The following LEPR variants were observed in gnomAD, a reference collection of about 807,000 sequenced individuals.
LEPR encodes the protein OB receptor.
LEPR carries 56 observed loss-of-function variants against 114.7 expected under a neutral mutation model. That is an observed-to-expected ratio of 0.49 (90% CI 0.39 to 0.61). The LOEUF is 0.61. LEPR is among the 20% of genes least tolerant of loss of function. The pLI, the probability that LEPR is intolerant of heterozygous loss-of-function variation, is 0.00. For missense variants in LEPR, 1,202 were observed against 1,352.9 expected, an observed-to-expected ratio of 0.89 and a Z score of 1.75; for synonymous variants, 443 against 461.4, an observed-to-expected ratio of 0.96 and a Z score of 0.51.
intron 2 of LEPR, among the ~76,000 whole-genome samples, chr1:65,536,584 A>G (rs1650794756): frequency 6.6e-6 from 1 of 152,198 alleles, no homozygotes; most frequent in African/African-American, 2.4e-5. Context: ...CAGATAGCTC[A>G]CTAAGAATTA....
intron 2 of LEPR, among the ~76,000 whole-genome samples, chr1:65,514,019 T>TA (rs1199955846): frequency 3.3e-5 from 5 of 152,238 alleles, no homozygotes; most frequent in East Asian, 1.9e-4. Flanking sequence ...TGAAAAAATG[T>TA]AAAAAAAATT....
At chr1:65,515,060 T>A (rs1649219028) in intron 2 of LEPR, among the ~76,000 whole-genome samples, 1 of 152,222 alleles carries the variant, frequency 6.6e-6, no homozygotes, top group Admixed American at 6.5e-5. Flanking sequence ...GAATATTTTG[T>A]TGGATCTTGA....
At chr1:65,601,128 C>G (rs1443340009) in intron 8 of LEPR, among the ~76,000 whole-genome samples, 1 of 151,944 alleles carries the variant, frequency 6.6e-6, no homozygotes, top group Admixed American at 6.6e-5. Context: ...CTGGCTAAAA[C>G]ATATTTTATG....
chr1:65,584,685 A>C (rs913211310), intron 5 of LEPR, among the ~76,000 whole-genome samples: 1 of 152,074 alleles, frequency 6.6e-6, no homozygotes, highest in Non-Finnish European at 1.5e-5. Context: ...TATTGTTTAC[A>C]CTCATTTTGC....
At chr1:65,622,028 C>T (rs1329946457) in intron 18 of LEPR, among the ~76,000 whole-genome samples, 1 of 151,976 alleles carries the variant, frequency 6.6e-6, no homozygotes, top group East Asian at 1.9e-4. Flanking sequence ...TAGGCTGATG[C>T]CCTTTGGATT....
At chr1:65,470,933 G>C (rs752507990) in intron 2 of LEPR, among the ~76,000 whole-genome samples, 1 of 152,144 alleles carries the variant, frequency 6.6e-6, no homozygotes, top group African/African-American at 2.4e-5. Flanking sequence ...GCAGTAAAGT[G>C]GGTAAGAGTA....
intron 2 of LEPR, chr1:65,433,382 T>C (rs1156443027): frequency 2.0e-6 from 2 of 985,352 alleles, no homozygotes; most frequent in Non-Finnish European, 2.4e-6. Context: ...TCATGTTGGA[T>C]CCTGTAATCA....
At position 65,421,471 on chromosome 1, in the gene LEPR, T is replaced by C. The variant is rs1436092717; in HGVS notation, c.-97+731T>C. 2.0e-6 allele frequency: 3 copies of C among 1,536,004 alleles called. No homozygotes were observed. The African/African-American group carries it at 4.1e-5, about 21-fold the overall frequency. On this transcript the variant is annotated intron_variant, in intron 1 of 19. Transcript: ENST00000349533. ...CTTCCTGTATTTTGGTAGGAAAACA[T>C]TCCATTTCTAATCTGTCGAATAGAG...
At position 65,545,336 on chromosome 1, in the gene LEPR, G is replaced by T. The variant is rs556199033; in HGVS notation, c.-20-20210G>T. Reference sequence around the variant, plus strand: ...GGTATACACCCAGTAATGGGATGGCGGGGTCAAATGGTATTTCTAGTTCTA... The same window carrying T: ...GGTATACACCCAGTAATGGGATGGCTGGGTCAAATGGTATTTCTAGTTCTA... On this transcript the variant is annotated intron_variant, in intron 2 of 19. Transcript: ENST00000349533. Among the ~76,000 whole-genome samples the T allele has an allele frequency of 9.2e-4, 140 of 152,050 alleles. No individual in the cohort carries two copies. The South Asian group carries it at 0.014, about 16-fold the overall frequency.
chr1:65,432,821 T>C, intron 2 of LEPR: 1 of 600,888 alleles, frequency 1.7e-6, no homozygotes, highest in South Asian at 7.4e-5. Flanking sequence ...AATGTTCTCA[T>C]AAAAAAGTTA....
At chr1:65,590,541 A>G (rs1333123703) in intron 5 of LEPR, among the ~76,000 whole-genome samples, 1 of 151,770 alleles carries the variant, frequency 6.6e-6, no homozygotes, top group Non-Finnish European at 1.5e-5. Context: ...TGATGGTTTT[A>G]TAAGGGGCTT....
chr1:65,604,838 T>C (rs545006765), intron 10 of LEPR, among the ~76,000 whole-genome samples, 200 bp from the exon 11 acceptor site: 3 of 152,282 alleles, frequency 2.0e-5, no homozygotes, highest in Non-Finnish European at 4.4e-5. Context: ...TGCCTGGTGA[T>C]CTGAAGTGGA....
chr1:65,500,807 C>T (rs909702798), intron 2 of LEPR, among the ~76,000 whole-genome samples: 2 of 152,006 alleles, frequency 1.3e-5, no homozygotes, highest in African/African-American at 4.8e-5. Flanking sequence ...GCACCCTTAA[C>T]CCCCACGTTG....
rs911353475 is a variant in LEPR, at chr1:65,633,708, G to A, written c.2674-2483G>A. ...CGTCAGCCTAAAAATCAGCCTATTC[G>A]GGTGTTCTTTTGAATATCTCCTGGC... On this transcript the variant is annotated intron_variant, in intron 19 of 19. Coordinates refer to ENST00000349533, the MANE Select transcript of LEPR (RefSeq NM_002303.6). The surrounding 1 kb of genome is among the most constrained non-coding windows in gnomAD (Gnocchi z 4.1). The A allele has an allele frequency of 1.7e-5, 17 of 985,162 alleles. No homozygotes were observed. The highest frequency in any genetic ancestry group is 2.0e-5 in the Non-Finnish European group (17 of 829,906). 61.0% of individuals were successfully genotyped at this position (985,162 alleles called of 1,614,324 possible). A position where few individuals can be genotyped will look rare whatever the true frequency, so the allele number is the denominator to read the frequency against.
intron 2 of LEPR, among the ~76,000 whole-genome samples, chr1:65,446,487 T>G (rs1171760410): frequency 1.3e-5 from 2 of 152,206 alleles, no homozygotes; most frequent in African/African-American, 4.8e-5. Context: ...GCCAGCTTCT[T>G]TACTGCAACC....
intron 2 of LEPR, among the ~76,000 whole-genome samples, chr1:65,515,562 C>T (rs1164584484): frequency 1.3e-5 from 2 of 152,172 alleles, no homozygotes; most frequent in African/African-American, 4.8e-5. Context: ...CTTAGAAAAG[C>T]ATAAGGATAT....
At chr1:65,596,662 A>G (rs1656086397) in intron 7 of LEPR, 69 bp downstream of exon 7, 9 of 1,385,688 alleles carry the variant, frequency 6.5e-6, no homozygotes, top group Non-Finnish European at 7.1e-6. Flanking sequence ...GTCCCATAGC[A>G]ATTACCCTCT....
At chr1:65,460,948 C>T (rs371535938) in intron 2 of LEPR, among the ~76,000 whole-genome samples, 1 of 151,316 alleles carries the variant, frequency 6.6e-6, no homozygotes, top group Admixed American at 6.6e-5. Context: ...AAGACAGGAA[C>T]CTAGATCCCA....
intron 5 of LEPR, among the ~76,000 whole-genome samples, chr1:65,575,330 G>A (rs78862345): frequency 0.024 from 3,469 of 147,296 alleles, 94 homozygotes; most frequent in Admixed American, 0.029. Context: ...TTAACCACCA[G>A]CAAAATTCAC....
Sources: gnomAD v4.1 joint callset for allele counts (sites outside exome capture counted in the v4.1 genomes callset) on GRCh38, gnomAD v4.1.1 for gene constraint, Gnocchi (gnomAD v3.1) non-coding constraint, MANE v1.5 for transcripts, NCBI Gene and HGNC (gene_info 2026-07-23, HGNC 2026-07-21) for gene names.